The following ATL2 variants were observed in gnomAD, a reference collection of about 807,000 sequenced individuals.
ATL2 encodes the protein atlastin-2.
Under a neutral mutation model 73.9 loss-of-function variants are expected in ATL2, and 31 were observed. That is an observed-to-expected ratio of 0.42 (90% CI 0.32 to 0.57). The LOEUF (loss-of-function observed/expected upper bound fraction) is 0.57. Among genes scored for constraint, ATL2 ranks in the 20% least tolerant of loss-of-function variants. The pLI is 0.14. For synonymous variants in ATL2, 291 were observed against 237.5 expected (o/e 1.23, Z -2.07); for missense variants, 738 against 702.6 (o/e 1.05, Z -0.57).
At chr2:38,310,241 T>A in intron 8 of ATL2, 68 bp downstream of exon 8, 1 of 1,540,766 alleles carries the variant, frequency 6.5e-7, no homozygotes, top group Non-Finnish European at 8.9e-7. Flanking sequence ...AGGCGTCATG[T>A]ATTTTCTTAA....
intron 12 of ATL2, among the ~76,000 whole-genome samples, chr2:38,297,409 C>A (rs1302042843): frequency 6.6e-6 from 1 of 152,092 alleles, no homozygotes; most frequent in African/African-American, 2.4e-5. Context: ...AAGTATTTCA[C>A]GAAGATCATC....
At chr2:38,338,545 A>AATAC (rs1035430960) in intron 2 of ATL2, among the ~76,000 whole-genome samples, 20 of 152,020 alleles carry the variant, frequency 1.3e-4, no homozygotes, top group Non-Finnish European at 2.8e-4. Context: ...GGAATGAATA[A>AATAC]ATAAATAAAT....
chr2:38,313,340 A>G (rs1219523439), intron 6 of ATL2, 97 bp from the exon 7 acceptor site: 4 of 821,162 alleles, frequency 4.9e-6, no homozygotes, highest in Middle Eastern at 3.6e-4. Flanking sequence ...TTACTCTCCT[A>G]AACAATCCTT....
Position 38,299,164 on chromosome 2 carries a change from C to A in ATL2, c.1200+92G>T, listed in dbSNP as rs56836640. 0.032 allele frequency: 38,576 copies of A among 1,199,208 alleles called. 5,355 individuals carry two copies. In the African/African-American group the frequency reaches 0.4, roughly 12 times the overall value. The allele number at this position is 1,199,208 out of a possible 1,614,324, so 74.3% of individuals were successfully genotyped here. A position where few individuals can be genotyped will look rare whatever the true frequency, so the allele number is the denominator to read the frequency against. On this transcript the variant is annotated intron_variant, in intron 11 of 12. Coordinates refer to ENST00000378954, the MANE Select transcript of ATL2 (RefSeq NM_001135673.4). The stretch of plus-strand genomic sequence containing the variant: ...TAATGTACCATAAGCTGCACAAATT[C>A]GCTCAATTATTTAAAAAATTTTTTT...
At chr2:38,341,258 C>G (rs945086929) in intron 2 of ATL2, among the ~76,000 whole-genome samples, 5 of 152,176 alleles carry the variant, frequency 3.3e-5, no homozygotes, top group Non-Finnish European at 7.3e-5. Context: ...CCTTTATCAT[C>G]TTTAAATGTA....
intron 7 of ATL2, among the ~76,000 whole-genome samples, chr2:38,312,692 G>A (rs988947675): frequency 2.1e-5 from 3 of 141,416 alleles, no homozygotes; most frequent in Non-Finnish European, 4.5e-5. Context: ...CCAGGCAATA[G>A]TGTGAGACTG....
At chr2:38,342,102 G>C (rs930511538) in intron 2 of ATL2, among the ~76,000 whole-genome samples, 7 of 151,550 alleles carry the variant, frequency 4.6e-5, no homozygotes, top group African/African-American at 1.5e-4. Context: ...ATTCCAACTC[G>C]AGTGAAAAAA....
chr2:38,361,138 G>A (rs1263523685), intron 1 of ATL2, among the ~76,000 whole-genome samples: 1 of 151,976 alleles, frequency 6.6e-6, no homozygotes, highest in East Asian at 1.9e-4. Context: ...TGGATCACGA[G>A]GTCAGGAGAT....
At chr2:38,296,950 C>G (rs1410327120) in intron 12 of ATL2, among the ~76,000 whole-genome samples, 1 of 152,022 alleles carries the variant, frequency 6.6e-6, no homozygotes, top group Non-Finnish European at 1.5e-5. Context: ...AGAAAATGAT[C>G]CAAAATTTTA....
intron 1 of ATL2, among the ~76,000 whole-genome samples, chr2:38,344,139 AC>A (rs1669887598): frequency 6.6e-6 from 1 of 152,276 alleles, no homozygotes; most frequent in East Asian, 1.9e-4. Context: ...GTTCATGTCA[AC>A]AGCACCTGTT....
At chr2:38,376,672 G>GC (rs1671988108) in intron 1 of ATL2, 2 of 152,412 alleles carry the variant, frequency 1.3e-5, no homozygotes, top group South Asian at 4.1e-4. Flanking sequence ...GGCCCATCAT[G>GC]CCCTGGCCAC....
Position 38,377,210 on chromosome 2 carries a change from C to T in ATL2, c.51G>A (p.Leu17=). Reference sequence around the variant, plus strand: ...GGTCGCTGGTCCGTCGCCGGCGCCACAGCCCCTGGTGCGGTTGCTGCCCTC... The same window carrying T: ...GGTCGCTGGTCCGTCGCCGGCGCCATAGCCCCTGGTGCGGTTGCTGCCCTC... The part of the protein sequence containing the change: ...AARGQQPHQG[L]WRRRRTSDPS... Residue 17 remains leucine, a synonymous_variant, in exon 1 of 13, where the codon CTG becomes CTA. Transcript: ENST00000378954. 6.2e-7 allele frequency: 1 copy of T among 1,608,710 alleles called. No individual in the cohort carries two copies. Among genetic ancestry groups the T allele is most frequent in the Non-Finnish European group, 8.5e-7 (1 of 1,178,406 alleles).
intron 7 of ATL2, among the ~76,000 whole-genome samples, chr2:38,312,257 T>C (rs1443034960): frequency 6.6e-6 from 1 of 152,164 alleles, no homozygotes; most frequent in East Asian, 1.9e-4. Flanking sequence ...CAAATTGTAA[T>C]GCCCATGTGT....
intron 2 of ATL2, among the ~76,000 whole-genome samples, chr2:38,342,189 T>C (rs1669763263): frequency 6.6e-6 from 1 of 151,994 alleles, no homozygotes; most frequent in Non-Finnish European, 1.5e-5. Context: ...TCTGGTACCA[T>C]CTCAAAGTGA....
intron 2 of ATL2, among the ~76,000 whole-genome samples, chr2:38,335,532 G>A (rs1669301378): frequency 6.6e-6 from 1 of 152,126 alleles, no homozygotes; most frequent in African/African-American, 2.4e-5. Flanking sequence ...TCTATAGTAG[G>A]CAAAACTAAT....
chr2:38,344,286 A>G (rs1394493780), intron 1 of ATL2, among the ~76,000 whole-genome samples: 2 of 152,198 alleles, frequency 1.3e-5, no homozygotes, highest in African/African-American at 4.8e-5. Context: ...ATTCACAAAC[A>G]TTACTCTACT....
At chr2:38,346,762 C>T (rs1358903380) in intron 1 of ATL2, among the ~76,000 whole-genome samples, 1 of 152,076 alleles carries the variant, frequency 6.6e-6, no homozygotes, top group Non-Finnish European at 1.5e-5. Context: ...TCTTGCTGTG[C>T]GGCCCAGTTC....
intron 1 of ATL2, among the ~76,000 whole-genome samples, chr2:38,362,209 T>A (rs752801373): frequency 3.3e-5 from 5 of 152,216 alleles, no homozygotes; most frequent in Non-Finnish European, 4.4e-5. Flanking sequence ...TATTTGAGAT[T>A]TCTAGCTCCC....
intron 1 of ATL2, among the ~76,000 whole-genome samples, chr2:38,356,031 T>C (rs1342920469): frequency 6.6e-6 from 1 of 151,540 alleles, no homozygotes; most frequent in African/African-American, 2.4e-5. Context: ...AAGTAATCAA[T>C]ATAATAAGAA....
Sources: gnomAD v4.1 joint callset for allele counts (sites outside exome capture counted in the v4.1 genomes callset) on GRCh38, gnomAD v4.1.1 for gene constraint, MANE v1.5 for transcripts, NCBI Gene and HGNC (gene_info 2026-07-23, HGNC 2026-07-21) for gene names.